NOSTRIN: variants seen among roughly 807,000 people sequenced by gnomAD.
NOSTRIN encodes the protein nitric oxide synthase trafficking.
In NOSTRIN, 63 loss-of-function variants were observed where a neutral mutation model predicts 59.0. That is an observed-to-expected ratio of 1.07 (90% CI 0.87 to 1.32). The LOEUF is 1.32. NOSTRIN is among the 40% of genes most tolerant of loss of function. NOSTRIN has a pLI of 0.00. For missense variants in NOSTRIN, 512 were observed against 473.1 expected (o/e 1.08, Z -0.76); for synonymous variants, 200 against 165.4 (o/e 1.21, Z -1.61).
At chr2:168,856,044 C>T (rs2105775442) in intron 11 of NOSTRIN, 1 of 282,292 alleles carries the variant, frequency 3.5e-6, no homozygotes, top group Non-Finnish European at 7.0e-6. Flanking sequence ...AGATAGAAAA[C>T]ATTTAGTGAT....
At chr2:168,812,293 T>C (rs1310757558) in intron 2 of NOSTRIN, among the ~76,000 whole-genome samples, 2 of 152,166 alleles carry the variant, frequency 1.3e-5, no homozygotes, top group Non-Finnish European at 2.9e-5. Context: ...AGCTCCGTAA[T>C]AAGCAACTCT....
chr2:168,805,278 G>C (rs905228643), intron 1 of NOSTRIN, among the ~76,000 whole-genome samples: 11 of 152,184 alleles, frequency 7.2e-5, no homozygotes, highest in Admixed American at 2.6e-4. Flanking sequence ...TTGCCTAAAT[G>C]CTGTGTAGGA....
chr2:168,855,594 A>T, intron 11 of NOSTRIN, 134 bp downstream of exon 11: 1 of 245,436 alleles, frequency 4.1e-6, no homozygotes, highest in East Asian at 9.0e-5. Flanking sequence ...ATCAAACTTC[A>T]GTTGTGTGAA....
intron 8 of NOSTRIN, among the ~76,000 whole-genome samples, chr2:168,845,588 T>C (rs527617915): frequency 2.0e-5 from 3 of 152,122 alleles, no homozygotes; most frequent in Non-Finnish European, 4.4e-5. Flanking sequence ...TTCCTCCTGT[T>C]AAGATCCTCT....
At chr2:168,831,597 A>C (rs1687366873) in intron 6 of NOSTRIN, 63 bp downstream of exon 6, 2 of 800,106 alleles carry the variant, frequency 2.5e-6, no homozygotes, top group South Asian at 2.8e-5. Flanking sequence ...TTTTGCTTTC[A>C]TACAAATGCG....
At chr2:168,794,638 A>C, upstream of NOSTRIN, among the ~76,000 whole-genome samples, 1 of 152,224 alleles carries the variant, frequency 6.6e-6, no homozygotes, top group East Asian at 1.9e-4. Flanking sequence ...GGCGTGAGCT[A>C]CCACGCCCAG....
At chr2:168,793,410 C>A (rs1237181719), upstream of NOSTRIN, among the ~76,000 whole-genome samples, 2 of 152,068 alleles carry the variant, frequency 1.3e-5, no homozygotes, top group Non-Finnish European at 1.5e-5. Context: ...AGCTTTGAAA[C>A]CAGCCTGGGC....
chr2:168,834,498 C>CGCGT (rs71405947), intron 7 of NOSTRIN, among the ~76,000 whole-genome samples, 173 bp downstream of exon 7: 12 of 101,982 alleles, frequency 1.2e-4, no homozygotes, highest in Admixed American at 5.5e-4. Flanking sequence ...CGTGCGCGCG[C>CGCGT]GCGCGCGCGC....
At chr2:168,787,522 T>C (rs1315091959) in intron 1 of NOSTRIN, among the ~76,000 whole-genome samples, 1 of 152,224 alleles carries the variant, frequency 6.6e-6, no homozygotes, top group Non-Finnish European at 1.5e-5. Context: ...GGTACAACCA[T>C]TTAACTCCAT....
chr2:168,850,796 CT>C lies in NOSTRIN; in HGVS notation c.631-286del, dbSNP rs754560643. 30 of 760,158 alleles carry C rather than the reference CT, an allele frequency of 3.9e-5. No homozygotes were observed. The African/African-American group carries it at 4.8e-4, about 12-fold the overall frequency. 47.1% of individuals were successfully genotyped at this position (760,158 alleles called of 1,614,324 possible). On this transcript the variant is annotated intron_variant, in intron 8 of 15. Transcript: ENST00000317647. ...GGAATCCATGATTGTGTCTCAAATG[CT>C]TCCTTTTCTTCTTTTCTCCCCCTTC...
chr2:168,842,701 C>T (rs985554105), intron 7 of NOSTRIN, among the ~76,000 whole-genome samples: 1 of 152,146 alleles, frequency 6.6e-6, no homozygotes, highest in Non-Finnish European at 1.5e-5. Context: ...GTTGTTTGAC[C>T]TTCTCCTTGA....
intron 10 of NOSTRIN, among the ~76,000 whole-genome samples, chr2:168,854,425 CT>C: frequency 6.6e-6 from 1 of 152,166 alleles, no homozygotes; most frequent in Non-Finnish European, 1.5e-5. Context: ...CCCTCTGCCA[CT>C]CATGTTTAGC....
chr2:168,851,007 G>T, intron 8 of NOSTRIN, 77 bp from the exon 9 acceptor site: 1 of 914,132 alleles, frequency 1.1e-6, no homozygotes, highest in Non-Finnish European at 1.8e-6. Context: ...CTGTCTTCAG[G>T]TGTGTCAGTG....
In NOSTRIN at chr2:168,864,888, T is replaced by C; in HGVS notation, c.1439T>C (p.Leu480Ser). ...KKEGGWWFGS[L>S]NGKKGHFPAA... Reference sequence around the variant, plus strand: ...GAAGGAGGATGGTGGTTTGGATCTTTGAATGGGAAAAAAGGCCATTTTCCT... The same window carrying C: ...GAAGGAGGATGGTGGTTTGGATCTTCGAATGGGAAAAAAGGCCATTTTCCT... The change falls in exon 16 of 16, where the codon TTG becomes TCG. Residue 480 changes from leucine (L) to serine (S), a missense_variant. Physicochemically the swap from Leu to Ser is moderately radical, Grantham distance 145. Coordinates refer to ENST00000317647, the MANE Select transcript of NOSTRIN (RefSeq NM_001039724.4). 1 of 1,613,964 alleles carries C rather than the reference T, an allele frequency of 6.2e-7. No homozygotes were observed. The highest frequency in any genetic ancestry group is 8.5e-7 in the Non-Finnish European group (1 of 1,179,910).
At chr2:168,810,402 T>G (rs1466618175) in intron 1 of NOSTRIN, among the ~76,000 whole-genome samples, 1 of 152,208 alleles carries the variant, frequency 6.6e-6, no homozygotes, top group Non-Finnish European at 1.5e-5. Context: ...TCTTTAGGTC[T>G]TTCCTCCTCT....
chr2:168,859,324 T>C, intron 12 of NOSTRIN, 188 bp from the exon 13 acceptor site: 2 of 749,620 alleles, frequency 2.7e-6, no homozygotes, highest in Non-Finnish European at 4.0e-6. Context: ...AACTAAAACC[T>C]CCCTCTAAAC....
At chr2:168,837,926 C>T (rs1687835404) in intron 7 of NOSTRIN, among the ~76,000 whole-genome samples, 3 of 152,104 alleles carry the variant, frequency 2.0e-5, no homozygotes, top group Admixed American at 2.0e-4. Flanking sequence ...TTATGGGCTC[C>T]CTTTTTTGGC....
At chr2:168,827,142 C>T (rs377199664) in intron 3 of NOSTRIN, among the ~76,000 whole-genome samples, 46 of 151,358 alleles carry the variant, frequency 3.0e-4, no homozygotes, top group African/African-American at 1.1e-3. Context: ...GATCCACCCC[C>T]TTCCTCTTCA....
chr2:168,811,390 G>A (rs1686126193), intron 1 of NOSTRIN, 177 bp from the exon 2 acceptor site: 1 of 382,654 alleles, frequency 2.6e-6, no homozygotes. Context: ...CCAGGTAGAA[G>A]AGACTTCATC....
Sources: allele counts gnomAD v4.1 joint callset (sites outside exome capture counted in the v4.1 genomes callset), GRCh38; gene constraint gnomAD v4.1.1; transcripts MANE v1.5; gene names NCBI Gene and HGNC (gene_info 2026-07-23, HGNC 2026-07-21).